Variants in TYW1B observed in about 807,000 individuals in gnomAD.
TYW1B encodes tRNA-yW synthesizing protein 1 homolog B, also known as S-adenosyl-L-methionine-dependent tRNA 4-demethylwyosine synthase TYW1B.
In TYW1B, 73 loss-of-function variants were observed where a neutral mutation model predicts 86.9. That is an observed-to-expected ratio of 0.84 (90% CI 0.70 to 1.02). The LOEUF (loss-of-function observed/expected upper bound fraction) is 1.02, where lower values mean the gene tolerates loss of function less well. Ranked by LOEUF, TYW1B falls within the 50% of genes least tolerant of loss-of-function variation. TYW1B has a pLI of 0.00. For missense variants in TYW1B, 637 were observed against 827.4 expected, an observed-to-expected ratio of 0.77 and a Z score of 2.82; for synonymous variants, 248 against 292.8, an observed-to-expected ratio of 0.85 and a Z score of 1.56.
intron 7 of TYW1B, among the ~76,000 whole-genome samples, chr7:72,773,943 T>TA (rs1170950463): frequency 1.3e-5 from 2 of 150,868 alleles, no homozygotes; most frequent in Admixed American, 1.3e-4. Context: ...CGCATGCGTG[T>TA]AATCCCAGCT....
intron 11 of TYW1B, among the ~76,000 whole-genome samples, chr7:72,692,205 C>CAAAAAAAAAAAAAAAAAAAAA: frequency 1.6e-5 from 1 of 62,810 alleles, no homozygotes; most frequent in Non-Finnish European, 2.9e-5. Context: ...GACTCCATCT[C>CAAAAAAAAAAAAAAAAAAAAA]AAAAAAAAAA....
rs145935571 is a variant in TYW1B, at chr7:72,733,159, AACAC to A, written c.1083-4232_1083-4229del. ...CCCTGGTAAATTCCACCAAACCTAA[AACAC>A]ACACACACACACACACACACACACA... On this transcript the variant is annotated intron_variant, in intron 8 of 13. Coordinates refer to ENST00000620995, the MANE Select transcript of TYW1B (RefSeq NM_001145440.3). 1.7e-3 allele frequency among the ~76,000 whole-genome samples: 256 copies of A among 147,210 alleles called. 2 individuals carry two copies. Among genetic ancestry groups the A allele is most frequent in the African/African-American group, 5.9e-3 (236 of 40,014 alleles).
intron 9 of TYW1B, chr7:72,723,142 T>C (rs1786935503): frequency 3.5e-6 from 2 of 567,950 alleles, no homozygotes; most frequent in Non-Finnish European, 2.7e-6. Flanking sequence ...ATATAGATTA[T>C]AAATATATAA....
chr7:72,728,176 C>T (rs1787039536), intron 9 of TYW1B, among the ~76,000 whole-genome samples: 1 of 152,036 alleles, frequency 6.6e-6, no homozygotes, highest in Admixed American at 6.6e-5. Flanking sequence ...CTAAAATTTC[C>T]AATCCATTCA....
chr7:72,578,072 C>T (rs1487124698), intron 13 of TYW1B, among the ~76,000 whole-genome samples: 3 of 151,868 alleles, frequency 2.0e-5, no homozygotes, highest in Non-Finnish European at 2.9e-5. Flanking sequence ...CAACGTATGC[C>T]GTCACCCAGG....
chr7:72,734,257 CA>C (rs111714599), intron 8 of TYW1B, among the ~76,000 whole-genome samples: 16 of 35,804 alleles, frequency 4.5e-4, no homozygotes, highest in Non-Finnish European at 9.3e-4. Flanking sequence ...AACTCCATCT[CA>C]AAAAAAAAAA....
At chr7:72,577,000 G>C (rs1811038610) in intron 13 of TYW1B, among the ~76,000 whole-genome samples, 2 of 151,980 alleles carry the variant, frequency 1.3e-5, no homozygotes, top group African/African-American at 2.4e-5. Flanking sequence ...GGTGGTGTGT[G>C]CATGTAATCC....
chr7:72,651,173 T>C (rs1554442730), intron 11 of TYW1B, among the ~76,000 whole-genome samples: 1 of 152,026 alleles, frequency 6.6e-6, no homozygotes, highest in East Asian at 1.9e-4. Context: ...AGCTCAGAAA[T>C]AGATTCATGC....
At chr7:72,639,868 A>G (rs1753807208) in intron 11 of TYW1B, among the ~76,000 whole-genome samples, 1 of 146,084 alleles carries the variant, frequency 6.8e-6, no homozygotes, top group African/African-American at 2.7e-5. Flanking sequence ...TCCATCTCAA[A>G]AAAAAAAAAA....
chr7:72,719,655 AAGGTGATAGGCACGT>A (rs1786858668), intron 9 of TYW1B, among the ~76,000 whole-genome samples: 1 of 137,694 alleles, frequency 7.3e-6, no homozygotes, highest in Non-Finnish European at 1.6e-5. Flanking sequence ...AAAAAAAAAG[AAGGTGATAGGCACGT>A]GGAGAAGAAA....
chr7:72,669,017 A>T (rs1813529674), intron 11 of TYW1B, among the ~76,000 whole-genome samples: 1 of 152,050 alleles, frequency 6.6e-6, no homozygotes, highest in Admixed American at 6.6e-5. Flanking sequence ...AATATACTAC[A>T]CACAAAGCAA....
chr7:72,810,066 C>T (rs1391638931), intron 4 of TYW1B, among the ~76,000 whole-genome samples: 1 of 149,868 alleles, frequency 6.7e-6, no homozygotes, highest in Non-Finnish European at 1.5e-5. Flanking sequence ...TCACATGAGG[C>T]CAGGAGTTCA....
At chr7:72,654,619 G>A (rs1199964067) in intron 11 of TYW1B, among the ~76,000 whole-genome samples, 1 of 152,194 alleles carries the variant, frequency 6.6e-6, no homozygotes, top group African/African-American at 2.4e-5. Context: ...GGTGGCTCAC[G>A]CCTGTAATCC....
chr7:72,791,212 C>T (rs1788211832), intron 6 of TYW1B, among the ~76,000 whole-genome samples: 3 of 152,154 alleles, frequency 2.0e-5, no homozygotes, highest in East Asian at 1.9e-4. Context: ...CCCCAGCAGC[C>T]GCTCTTCTCT....
chr7:72,778,037 A>G (rs1221705345), intron 6 of TYW1B, among the ~76,000 whole-genome samples: 1 of 152,216 alleles, frequency 6.6e-6, no homozygotes, highest in Non-Finnish European at 1.5e-5. Context: ...AACAATCTAA[A>G]GACATGCCAG....
chr7:72,806,942 T>G, intron 5 of TYW1B, 124 bp downstream of exon 5: 1 of 1,356,852 alleles, frequency 7.4e-7, no homozygotes, highest in Non-Finnish European at 9.9e-7. Context: ...TGCGAGCCAC[T>G]GCACTCAGCC....
At chr7:72,599,451 T>C (rs1316480043) in intron 13 of TYW1B, among the ~76,000 whole-genome samples, 1 of 152,156 alleles carries the variant, frequency 6.6e-6, no homozygotes, top group Non-Finnish European at 1.5e-5. Context: ...GGTGAGAAGC[T>C]AGATATTCCC....
At chr7:72,637,033 G>A (rs1426832005) in intron 11 of TYW1B, among the ~76,000 whole-genome samples, 5 of 152,070 alleles carry the variant, frequency 3.3e-5, no homozygotes, top group African/African-American at 1.2e-4. Flanking sequence ...AAAATTAGCT[G>A]GGCGTGATTG....
At position 72,626,473 on chromosome 7, in the gene TYW1B, T is replaced by A. The variant is rs112615841; in HGVS notation, c.1617+2414A>T. 7.2e-3 allele frequency among the ~76,000 whole-genome samples: 959 copies of A among 132,586 alleles called. 3 individuals carry two copies. The highest frequency in any genetic ancestry group is 0.022 in the African/African-American group (725 of 33,434). 87.0% of individuals were successfully genotyped at this position (132,586 alleles called of 152,430 possible). A position where few individuals can be genotyped will look rare whatever the true frequency, so the allele number is the denominator to read the frequency against. On this transcript the variant is annotated intron_variant, in intron 12 of 13. Coordinates refer to ENST00000620995, the MANE Select transcript of TYW1B (RefSeq NM_001145440.3). The stretch of plus-strand genomic sequence containing the variant: ...TGAAACTTCGAGCTTATAAAACCTA[T>A]GATCTATTTAAACTTCTACTTGGAT...
Sources: gnomAD v4.1 joint callset for allele counts (sites outside exome capture counted in the v4.1 genomes callset) on GRCh38, gnomAD v4.1.1 for gene constraint, MANE v1.5 for transcripts, NCBI Gene and HGNC (gene_info 2026-07-23, HGNC 2026-07-21) for gene names.